The following PRR5L variants were observed in gnomAD, a reference collection of about 807,000 sequenced individuals.
The protein encoded by PRR5L is proline-rich protein 5-like.
PRR5L carries 21 observed loss-of-function variants against 36.4 expected under a neutral mutation model. That is an observed-to-expected ratio of 0.58 (90% CI 0.41 to 0.83). PRR5L has a LOEUF of 0.83. Among genes scored for constraint, PRR5L ranks in the 40% least tolerant of loss-of-function variants. The pLI, the probability that PRR5L is intolerant of heterozygous loss-of-function variation, is 0.00. For synonymous variants in PRR5L, 188 were observed against 197.0 expected, an observed-to-expected ratio of 0.95 and a Z score of 0.38; for missense variants, 381 against 473.3, an observed-to-expected ratio of 0.80 and a Z score of 1.81.
At chr11:36,314,962 G>A (rs554340117) in intron 1 of PRR5L, among the ~76,000 whole-genome samples, 13 of 152,308 alleles carry the variant, frequency 8.5e-5, no homozygotes, top group African/African-American at 3.1e-4. Flanking sequence ...ATAGAACAGC[G>A]CCTGGTGTCT....
intron 1 of PRR5L, among the ~76,000 whole-genome samples, chr11:36,397,603 C>T (rs961439287): frequency 6.0e-5 from 9 of 151,036 alleles, no homozygotes; most frequent in African/African-American, 1.9e-4. Context: ...ACTACAGGCA[C>T]GCACCACCAT....
chr11:36,456,314 C>T (rs988575927), intron 8 of PRR5L, among the ~76,000 whole-genome samples: 4 of 152,208 alleles, frequency 2.6e-5, no homozygotes, highest in African/African-American at 9.6e-5. Context: ...ACATCCTTGG[C>T]CTTGCCTTGC....
At chr11:36,443,033 A>G (rs1359601708) in intron 6 of PRR5L, among the ~76,000 whole-genome samples, 1 of 152,118 alleles carries the variant, frequency 6.6e-6, no homozygotes, top group African/African-American at 2.4e-5. Flanking sequence ...GTATTAGTTC[A>G]TTTTGCATTG....
At position 36,413,915 on chromosome 11, in the gene PRR5L, A is replaced by G. The variant is rs1478764766; in HGVS notation, c.246-5340A>G. ...GTGTGATGTTCCCCTTCCTGTGTCC[A>G]TGTGTTCTCATTGTTCAATTCCCAC... On this transcript the variant is annotated intron_variant, in intron 3 of 8. Coordinates refer to ENST00000530639, the MANE Select transcript of PRR5L (RefSeq NM_001160167.2). Among the ~76,000 whole-genome samples the G allele has an allele frequency of 5.0e-4, 62 of 123,486 alleles. 1 individual carries two copies. The South Asian group carries it at 0.014, about 28-fold the overall frequency. 81.0% of individuals were successfully genotyped at this position (123,486 alleles called of 152,430 possible).
chr11:36,404,278 T>TTTTG lies in PRR5L; in HGVS notation c.245+903_245+904insGTTT, dbSNP rs750305571. On this transcript the variant is annotated intron_variant, in intron 3 of 8. Coordinates refer to ENST00000530639, the MANE Select transcript of PRR5L (RefSeq NM_001160167.2). The stretch of plus-strand genomic sequence containing the variant: ...ATCGATCCATCAGGTCTTTTTTTTT[T>TTTTG]TTTTTTTTTTTTAAACGGAGTCTTG... Among the ~76,000 whole-genome samples the TTTTG allele has an allele frequency of 8.6e-3, 1,286 of 149,914 alleles. 27 individuals are homozygous for TTTTG. Among genetic ancestry groups the TTTTG allele is most frequent in the African/African-American group, 0.03 (1,223 of 40,274 alleles).
intron 1 of PRR5L, among the ~76,000 whole-genome samples, chr11:36,335,547 C>A (rs890590410): frequency 6.6e-6 from 1 of 152,086 alleles, no homozygotes; most frequent in Non-Finnish European, 1.5e-5. Flanking sequence ...GACTGGTGTG[C>A]AGCAGGCTCC....
At chr11:36,335,175 C>T (rs1385674422) in intron 1 of PRR5L, among the ~76,000 whole-genome samples, 1 of 152,076 alleles carries the variant, frequency 6.6e-6, no homozygotes, top group Non-Finnish European at 1.5e-5. Flanking sequence ...TGGCCTCGAC[C>T]TCAGCCTTTC....
intron 6 of PRR5L, among the ~76,000 whole-genome samples, chr11:36,439,148 C>T (rs1424302126): frequency 3.9e-5 from 6 of 152,152 alleles, no homozygotes; most frequent in African/African-American, 1.4e-4. Context: ...CTGGCGCCTC[C>T]TGCGTTTAAA....
chr11:36,379,734 G>A (rs1422469635), intron 1 of PRR5L, among the ~76,000 whole-genome samples: 1 of 152,194 alleles, frequency 6.6e-6, no homozygotes, highest in East Asian at 1.9e-4. Context: ...GGATGGCAGT[G>A]ATGGGGCATC....
At chr11:36,340,094 G>A (rs114797845) in intron 1 of PRR5L, among the ~76,000 whole-genome samples, 3,350 of 152,324 alleles carry the variant, frequency 0.022, 112 homozygotes, top group African/African-American at 0.075. Context: ...TGCAGTGACA[G>A]GAAGGAGTAA....
intron 1 of PRR5L, chr11:36,375,901 C>T (rs1857249789): frequency 7.0e-6 from 2 of 286,432 alleles, no homozygotes; most frequent in Non-Finnish European, 1.4e-5. Context: ...AAAACAACTT[C>T]TGGAATCGCC....
rs114628607 is a variant in PRR5L at position 36,332,415 on chromosome 11, T to C, written c.-126+35977T>C. ...ACAAAGAGAGCGGTAGTTGGGAGTATTCTCTGGCATTAAATAAGCCTTGTT... is the reference window on the plus strand; with the variant it reads ...ACAAAGAGAGCGGTAGTTGGGAGTACTCTCTGGCATTAAATAAGCCTTGTT... On this transcript the variant is annotated intron_variant, in intron 1 of 8. Coordinates refer to ENST00000530639, the MANE Select transcript of PRR5L (RefSeq NM_001160167.2). 3.0e-3 allele frequency among the ~76,000 whole-genome samples: 454 copies of C among 152,288 alleles called. 4 individuals carry two copies. The highest frequency in any genetic ancestry group is 0.011 in the African/African-American group (437 of 41,566).
At position 36,333,275 on chromosome 11, in the gene PRR5L, C is replaced by T. The variant is rs547086776; in HGVS notation, c.-126+36837C>T. 5.3e-5 allele frequency among the ~76,000 whole-genome samples: 8 copies of T among 152,284 alleles called. No homozygotes were observed. The South Asian group carries it at 6.2e-4, about 12-fold the overall frequency. On this transcript the variant is annotated intron_variant, in intron 1 of 8. Coordinates refer to ENST00000530639, the MANE Select transcript of PRR5L (RefSeq NM_001160167.2). ...ATCTGGAGCAAATGGCACTCCTATT[C>T]GCTGCTCGTGGGGATGGAAAATGAC...
At chr11:36,319,618 T>C (rs1023780425) in intron 1 of PRR5L, among the ~76,000 whole-genome samples, 1 of 151,642 alleles carries the variant, frequency 6.6e-6, no homozygotes, top group Non-Finnish European at 1.5e-5. Flanking sequence ...CAGGCAGTTG[T>C]GGGGAGGGCT....
intron 1 of PRR5L, among the ~76,000 whole-genome samples, chr11:36,394,931 G>A (rs922413656): frequency 6.6e-6 from 1 of 152,160 alleles, no homozygotes; most frequent in Non-Finnish European, 1.5e-5. Context: ...GGGTTTATCT[G>A]CCCCCAGAGC....
At chr11:36,449,606 G>T (rs973796284) in intron 7 of PRR5L, among the ~76,000 whole-genome samples, 1 of 152,230 alleles carries the variant, frequency 6.6e-6, no homozygotes, top group African/African-American at 2.4e-5. Flanking sequence ...ATTCTCAGGG[G>T]CCCCAGCCAG....
rs34024197 is a variant in PRR5L at position 36,397,443 on chromosome 11, CTTTTTTTTTTTT to C, written c.-125-3535_-125-3524del. On this transcript the variant is annotated intron_variant, in intron 1 of 8. Transcript: ENST00000530639. ...TTCATGTCAGCCAGGCAGCCGATGC[CTTTTTTTTTTTT>C]TTTTTTTTTTTTTTTTTTGAGAGAG... 2.9e-4 allele frequency among the ~76,000 whole-genome samples: 10 copies of C among 35,078 alleles called. 1 individual carries two copies. Among genetic ancestry groups the C allele is most frequent in the African/African-American group, 4.6e-4 (4 of 8,782 alleles). 23.0% of individuals were successfully genotyped at this position (35,078 alleles called of 152,430 possible). A position where few individuals can be genotyped will look rare whatever the true frequency, so the allele number is the denominator to read the frequency against.
At chr11:36,375,752 G>C (rs1394105283) in intron 1 of PRR5L, among the ~76,000 whole-genome samples, 1 of 152,150 alleles carries the variant, frequency 6.6e-6, no homozygotes, top group Admixed American at 6.6e-5. Context: ...TTTTTGGCTT[G>C]TTGATTTTCT....
At chr11:36,451,528 ACCTTCTCCC>A (rs1858944937) in intron 8 of PRR5L, among the ~76,000 whole-genome samples, 193 bp downstream of exon 8, 1 of 152,122 alleles carries the variant, frequency 6.6e-6, no homozygotes, top group Non-Finnish European at 1.5e-5. Context: ...GGTTGCAGTA[ACCTTCTCCC>A]CCTTGATGAT....
Sources: gnomAD v4.1 joint callset for allele counts (sites outside exome capture counted in the v4.1 genomes callset) on GRCh38, gnomAD v4.1.1 for gene constraint, MANE v1.5 for transcripts, NCBI Gene and HGNC (gene_info 2026-07-23, HGNC 2026-07-21) for gene names.